Variants in ZNF493 observed in about 807,000 individuals in gnomAD.
The protein encoded by ZNF493 is zinc finger protein 493.
Under a neutral mutation model 12.2 loss-of-function variants are expected in ZNF493, and 11 were observed. The ratio of observed to expected loss-of-function variants is 0.90; its 90% confidence interval spans 0.57 to 1.50. ZNF493 has a LOEUF of 1.50. ZNF493 is among the 40% of genes most tolerant of loss of function. The pLI is 0.00. For synonymous variants in ZNF493, 286 were observed against 302.6 expected (o/e 0.95, Z 0.57); for missense variants, 950 against 906.6 (o/e 1.05, Z -0.61).
chr19:21,408,098 G>T, intron 3 of ZNF493: 1 of 973,484 alleles, frequency 1.0e-6, no homozygotes, highest in Non-Finnish European at 1.2e-6. Context: ...AGAGGCTTGG[G>T]TAGTTGTACT....
chr19:21,422,468 A>AT (rs150608342), intron 3 of ZNF493, among the ~76,000 whole-genome samples: 85,513 of 132,756 alleles, frequency 0.64, 28,052 homozygotes, highest in Middle Eastern at 0.75. Flanking sequence ...TATTTTTATA[A>AT]TTTTTTTTTT....
intron 1 of ZNF493, among the ~76,000 whole-genome samples, chr19:21,401,450 G>C (rs1185257424): frequency 6.6e-6 from 1 of 151,820 alleles, no homozygotes; most frequent in African/African-American, 2.4e-5. Flanking sequence ...TTTCATATTA[G>C]AATAATGCTG....
In ZNF493 at chr19:21,426,820, T is replaced by C. The variant is rs2030867932; in HGVS notation, c.*1836T>C. 6.0e-6 allele frequency: 1 copy of C among 167,034 alleles called. No homozygotes were observed. The highest frequency in any genetic ancestry group is 2.1e-4 in the South Asian group (1 of 4,828). The allele number at this position is 167,034 out of a possible 1,614,324, so 10.3% of individuals were successfully genotyped here. ...TAGAAATATATGAGGAAGCGACACT[T>C]CGAATATTCTACTAAATGAGAGTTC... On this transcript the variant is annotated 3_prime_UTR_variant, in exon 4 of 4. Transcript: ENST00000392288.
In ZNF493 at chr19:21,424,592, G is replaced by C. The variant is rs376962448; in HGVS notation, c.1933G>C (p.Ala645Pro). 6.4e-7 allele frequency: 1 copy of C among 1,574,764 alleles called. No individual in the cohort carries two copies. The highest frequency in any genetic ancestry group is 2.3e-5 in the East Asian group (1 of 43,194). The part of the protein sequence containing the change: ...GKAFKRSSHL[A>P]GHKQIHSVQK... Reference sequence around the variant, plus strand: ...AGCTTTTAAGCGGTCCTCACACCTCGCTGGGCACAAGCAAATTCATAGTGT... The same window carrying C: ...AGCTTTTAAGCGGTCCTCACACCTCCCTGGGCACAAGCAAATTCATAGTGT... The change falls in exon 4 of 4, where the codon GCT becomes CCT. Residue 645 changes from alanine (A) to proline (P), a missense_variant. Coordinates refer to ENST00000392288, the MANE Select transcript of ZNF493 (RefSeq NM_001076678.3).
intron 3 of ZNF493, among the ~76,000 whole-genome samples, chr19:21,409,054 T>C (rs544236118): frequency 6.6e-6 from 1 of 151,876 alleles, no homozygotes; most frequent in East Asian, 1.9e-4. Context: ...CTGGCTAATT[T>C]TTTGTATTTT....
At chr19:21,406,112 C>T (rs1032757975) in intron 3 of ZNF493, among the ~76,000 whole-genome samples, 4 of 151,956 alleles carry the variant, frequency 2.6e-5, no homozygotes, top group African/African-American at 9.7e-5. Flanking sequence ...ATCTCAGCTC[C>T]TCCGGAGGCT....
At chr19:21,404,300 A>G (rs2145268432) in intron 1 of ZNF493, among the ~76,000 whole-genome samples, 1 of 152,352 alleles carries the variant, frequency 6.6e-6, no homozygotes, top group South Asian at 2.1e-4. Flanking sequence ...TTTGAGGGGC[A>G]ATATCTCAGC....
rs1204160754 is a variant in ZNF493, at chr19:21,426,995, TAACTC to T, written c.*2018_*2022del. 3 of 167,054 alleles carry T rather than the reference TAACTC, an allele frequency of 1.8e-5. No homozygotes were observed. Among genetic ancestry groups the T allele is most frequent in the Non-Finnish European group, 1.5e-5 (1 of 68,106 alleles). The allele number at this position is 167,054 out of a possible 1,614,324, so 10.3% of individuals were successfully genotyped here. On this transcript the variant is annotated 3_prime_UTR_variant, in exon 4 of 4. Transcript: ENST00000392288. ...CAGATTTTTTGAAAAGCAAATGATG[TAACTC>T]AACTCATTATTTTCTGCTGTTTCTT... is the stretch of plus-strand genomic sequence containing the variant.
At chr19:21,408,133 T>C in intron 3 of ZNF493, 1 of 960,702 alleles carries the variant, frequency 1.0e-6, no homozygotes, top group Non-Finnish European at 1.2e-6. Flanking sequence ...TTTTTTTTTT[T>C]TTTTTTTTTT....
At chr19:21,421,656 A>G (rs1358950128) in intron 3 of ZNF493, among the ~76,000 whole-genome samples, 2 of 152,078 alleles carry the variant, frequency 1.3e-5, no homozygotes, top group Non-Finnish European at 2.9e-5. Context: ...GAGCTACTGC[A>G]CCTGGCCACA....
At position 21,423,775 on chromosome 19, in the gene ZNF493, T is replaced by C. The variant is rs151077768; in HGVS notation, c.1116T>C (p.Thr372=). ...TTACTACACATAAAAGAATTCATAC[T>C]GGAGAGAAACCCTACAAATGTGAAG... The part of the protein sequence containing the change: ...SHLTTHKRIH[T]GEKPYKCEEC... Residue 372 remains threonine, a synonymous_variant, in exon 4 of 4, where the codon ACT becomes ACC. Transcript: ENST00000392288. 1.9e-3 allele frequency: 3,070 copies of C among 1,613,650 alleles called. 6 individuals carry two copies. Among genetic ancestry groups the C allele is most frequent in the Non-Finnish European group, 2.4e-3 (2,819 of 1,179,724 alleles).
intron 1 of ZNF493, among the ~76,000 whole-genome samples, chr19:21,401,650 C>G (rs1394955775): frequency 1.3e-5 from 2 of 151,388 alleles, no homozygotes; most frequent in East Asian, 3.9e-4. Flanking sequence ...TTTTTTGAGA[C>G]AGTCTCACTC....
Position 21,410,073 on chromosome 19 carries a change from T to C in ZNF493, c.253+4217T>C, listed in dbSNP as rs551921066. Among the ~76,000 whole-genome samples the C allele has an allele frequency of 1.4e-4, 19 of 138,452 alleles. No homozygotes were observed. The East Asian group carries it at 3.6e-3, about 26-fold the overall frequency. The allele number at this position is 138,452 out of a possible 152,430, so 90.8% of individuals were successfully genotyped here. ...ATTTCATTGTGTGTATATATATATA[T>C]ATATATATATATATATATGCAACAC... On this transcript the variant is annotated intron_variant, in intron 3 of 3. Coordinates refer to ENST00000392288, the MANE Select transcript of ZNF493 (RefSeq NM_001076678.3).
intron 1 of ZNF493, among the ~76,000 whole-genome samples, chr19:21,399,645 T>G (rs1974229777): frequency 6.6e-6 from 1 of 152,230 alleles, no homozygotes; most frequent in Non-Finnish European, 1.5e-5. Context: ...TAATCATATA[T>G]GTCATTTGTT....
intron 3 of ZNF493, among the ~76,000 whole-genome samples, chr19:21,421,792 T>C (rs1326900431): frequency 2.0e-5 from 3 of 152,206 alleles, no homozygotes; most frequent in Non-Finnish European, 4.4e-5. Context: ...CTCAAACATG[T>C]TCTTTGAGTG....
At chr19:21,410,800 T>G (rs2030302725) in intron 3 of ZNF493, among the ~76,000 whole-genome samples, 1 of 152,120 alleles carries the variant, frequency 6.6e-6, no homozygotes, top group African/African-American at 2.4e-5. Context: ...TGTTTTTGTT[T>G]TTGTTTTTTG....
chr19:21,412,272 G>A (rs1457578107), intron 3 of ZNF493: 1 of 152,222 alleles, frequency 6.6e-6, no homozygotes, highest in Non-Finnish European at 1.5e-5. Context: ...GGATGGGTTG[G>A]GCTAGTTATC....
chr19:21,409,629 C>T (rs1366928429), intron 3 of ZNF493, among the ~76,000 whole-genome samples: 1 of 151,972 alleles, frequency 6.6e-6, no homozygotes, highest in African/African-American at 2.4e-5. Context: ...CCTGTGGTTC[C>T]AGCTACTTGG....
chr19:21,424,719 G>T lies in ZNF493; in HGVS notation c.2060G>T (p.Cys687Phe), dbSNP rs1290525949. 39 of 1,613,220 alleles carry T rather than the reference G, an allele frequency of 2.4e-5. No homozygotes were observed. Among genetic ancestry groups the T allele is most frequent in the Non-Finnish European group, 3.3e-5 (39 of 1,179,632 alleles). The change falls in exon 4 of 4, where the codon TGT (cysteine) becomes TTT (phenylalanine). Residue 687 changes from cysteine to phenylalanine, a missense_variant. Physicochemically the swap from Cys to Phe is radical, Grantham distance 205 (BLOSUM62 -2). Transcript: ENST00000392288. Reference sequence around the variant, plus strand: ...CATACTGAAGAGAAACCCTACAAATGTGAAAAATGTGGCAAAACTTTCTAC... The same window carrying T: ...CATACTGAAGAGAAACCCTACAAATTTGAAAAATGTGGCAAAACTTTCTAC... ...IIHTEEKPYK[C>F]EKCGKTFYRF... is the part of the protein sequence containing the mutation.
Sources: gnomAD v4.1 joint callset for allele counts (sites outside exome capture counted in the v4.1 genomes callset) on GRCh38, gnomAD v4.1.1 for gene constraint, MANE v1.5 for transcripts, NCBI Gene and HGNC (gene_info 2026-07-23, HGNC 2026-07-21) for gene names.